The following MED28 variants were observed in gnomAD, a reference collection of about 807,000 sequenced individuals.
The protein encoded by MED28 is mediator of RNA polymerase II transcription subunit 28.
MED28 carries 26 observed loss-of-function variants against 21.3 expected under a neutral mutation model. That is an observed-to-expected ratio of 1.22 (90% CI 0.89 to 1.69). The LOEUF (loss-of-function observed/expected upper bound fraction) is 1.69, where lower values mean the gene tolerates loss of function less well. Among genes scored for constraint, MED28 ranks in the 40% most tolerant of loss-of-function variants. The probability of loss-of-function intolerance (pLI) is 0.00; values close to 1 mark genes in which losing one functional copy is unlikely to be tolerated. For synonymous variants in MED28, 110 were observed against 87.6 expected, an observed-to-expected ratio of 1.26 and a Z score of -1.43; for missense variants, 257 against 215.4, an observed-to-expected ratio of 1.19 and a Z score of -1.21.
At chr4:17,618,463 C>G (rs1220057749) in intron 1 of MED28, among the ~76,000 whole-genome samples, 3 of 152,030 alleles carry the variant, frequency 2.0e-5, no homozygotes, top group African/African-American at 7.2e-5. Context: ...TTTCCAGTAG[C>G]CATAGGTCTC....
At chr4:17,614,892 C>T (rs1714401849) in intron 1 of MED28, 79 bp downstream of exon 1, 1 of 1,466,808 alleles carries the variant, frequency 6.8e-7, no homozygotes, top group South Asian at 1.4e-5. Context: ...CGTATCTCCT[C>T]CAGGGATCCG....
rs1305257364 is a variant in MED28 at position 17,628,290 on chromosome 4, G to GTGTA, written c.*4493_*4494insGTAT. ...TGTGTGTGTGTGTGTGTGTGTGTGT[G>GTGTA]TATGTGTATATGCGTATATATGTGT... On this transcript the variant is annotated 3_prime_UTR_variant, in exon 4 of 4. Transcript: ENST00000237380. 1 of 148,418 alleles carries GTGTA rather than the reference G, an allele frequency of 6.7e-6. No homozygotes were observed. Among genetic ancestry groups the GTGTA allele is most frequent in the Non-Finnish European group, 1.5e-5 (1 of 67,764 alleles). 9.2% of individuals were successfully genotyped at this position (148,418 alleles called of 1,614,324 possible). A position where few individuals can be genotyped will look rare whatever the true frequency, so the allele number is the denominator to read the frequency against.
rs1337931902 is a variant in MED28 at position 17,633,493 on chromosome 4, C to T, written c.*9695C>T. ...AGGAAGACTGTAATTTGAATTCAGACCTCCAGGCCAGATGGAGTCCACCTT... is the reference window on the plus strand; with the variant it reads ...AGGAAGACTGTAATTTGAATTCAGATCTCCAGGCCAGATGGAGTCCACCTT... On this transcript the variant is annotated 3_prime_UTR_variant, in exon 4 of 4. Transcript: ENST00000237380. The T allele has an allele frequency of 3.5e-5, 17 of 492,000 alleles. No individual in the cohort carries two copies. The South Asian group carries it at 4.0e-4, about 12-fold the overall frequency. 30.5% of individuals were successfully genotyped at this position (492,000 alleles called of 1,614,324 possible).
Position 17,631,729 on chromosome 4 carries a change from T to C in MED28, c.*7931T>C, listed in dbSNP as rs1438013350. On this transcript the variant is annotated 3_prime_UTR_variant, in exon 4 of 4. Transcript: ENST00000237380. ...GTGAAAGTATTCAGTCCAAGCATGC[T>C]ACCATCCATTTCTGGTAGGTTTGGT... 1 of 152,252 alleles carries C rather than the reference T, an allele frequency of 6.6e-6. No homozygotes were observed. Among genetic ancestry groups the C allele is most frequent in the East Asian group, 1.9e-4 (1 of 5,202 alleles). The allele number at this position is 152,252 out of a possible 1,614,324, so 9.4% of individuals were successfully genotyped here.
chr4:17,621,453 C>A, intron 2 of MED28, 134 bp from the exon 3 acceptor site: 1 of 567,926 alleles, frequency 1.8e-6, no homozygotes, highest in Non-Finnish European at 3.1e-6. Flanking sequence ...ATGATTACTG[C>A]TGTGGCCAAG....
At chr4:17,618,819 C>T (rs900257210) in intron 1 of MED28, among the ~76,000 whole-genome samples, 2 of 152,154 alleles carry the variant, frequency 1.3e-5, no homozygotes, top group African/African-American at 4.8e-5. Context: ...GGATTACAGG[C>T]GTGAGCCACC....
chr4:17,632,414 A>G lies in MED28; in HGVS notation c.*8616A>G, dbSNP rs1714979698. ...GTTAACGCCAAAATTTGTTTTAGCT[A>G]TCATATATAAATCATAAGCATATTA... On this transcript the variant is annotated 3_prime_UTR_variant, in exon 4 of 4. Coordinates refer to ENST00000237380, the MANE Select transcript of MED28 (RefSeq NM_025205.5). 1 of 856,256 alleles carries G rather than the reference A, an allele frequency of 1.2e-6. No homozygotes were observed. Among genetic ancestry groups the G allele is most frequent in the South Asian group, 1.8e-5 (1 of 56,752 alleles). 53.0% of individuals were successfully genotyped at this position (856,256 alleles called of 1,614,324 possible).
chr4:17,624,013 G>A lies in MED28; in HGVS notation c.*215G>A, dbSNP rs988575726. ...TCTGTAGCTTGGATAAACCAAGTAA[G>A]TATTTTTTTTTTGTCTTTAGCAAAG... On this transcript the variant is annotated 3_prime_UTR_variant, in exon 4 of 4. Coordinates refer to ENST00000237380, the MANE Select transcript of MED28 (RefSeq NM_025205.5). The A allele has an allele frequency of 3.6e-6, 2 of 557,338 alleles. No homozygotes were observed. Among genetic ancestry groups the A allele is most frequent in the Non-Finnish European group, 3.2e-6 (1 of 314,862 alleles). 34.5% of individuals were successfully genotyped at this position (557,338 alleles called of 1,614,324 possible). A position where few individuals can be genotyped will look rare whatever the true frequency, so the allele number is the denominator to read the frequency against.
chr4:17,615,982 A>G (rs1334810574), intron 1 of MED28, among the ~76,000 whole-genome samples: 2 of 152,084 alleles, frequency 1.3e-5, no homozygotes, highest in African/African-American at 4.8e-5. Flanking sequence ...ATGATTTGAG[A>G]TGGAGTCTCA....
In MED28 at chr4:17,623,985, A is replaced by T; in HGVS notation, c.*187A>T. ...GTTAATTTCTTGAGTACTTTATAAC[A>T]TGTCTGTAGCTTGGATAAACCAAGT... On this transcript the variant is annotated 3_prime_UTR_variant, in exon 4 of 4. Coordinates refer to ENST00000237380, the MANE Select transcript of MED28 (RefSeq NM_025205.5). 1 of 635,214 alleles carries T rather than the reference A, an allele frequency of 1.6e-6. No homozygotes were observed. The highest frequency in any genetic ancestry group is 2.7e-6 in the Non-Finnish European group (1 of 364,824). 39.3% of individuals were successfully genotyped at this position (635,214 alleles called of 1,614,324 possible). A position where few individuals can be genotyped will look rare whatever the true frequency, so the allele number is the denominator to read the frequency against.
rs1335298440 is a variant in MED28 at position 17,629,413 on chromosome 4, A to T, written c.*5615A>T. On this transcript the variant is annotated 3_prime_UTR_variant, in exon 4 of 4. Transcript: ENST00000237380. ...GAGAAAAATTAACCAAGTAGCCTCA[A>T]TCACAAATGTTGGGTTGGATATTAC... 6.6e-6 allele frequency: 1 copy of T among 152,222 alleles called. No individual in the cohort carries two copies. The highest frequency in any genetic ancestry group is 2.4e-5 in the African/African-American group (1 of 41,452). The allele number at this position is 152,222 out of a possible 1,614,324, so 9.4% of individuals were successfully genotyped here.
chr4:17,623,571 TCTGA>T (rs1464344936), intron 3 of MED28, 26 bp from the exon 4 acceptor site: 3 of 1,608,104 alleles, frequency 1.9e-6, no homozygotes, highest in South Asian at 2.2e-5. Flanking sequence ...CTGCATTTGC[TCTGA>T]CTTAGTCCAT....
At chr4:17,621,730 A>T in intron 3 of MED28, 31 bp downstream of exon 3, 2 of 1,400,890 alleles carry the variant, frequency 1.4e-6, no homozygotes, top group Non-Finnish European at 2.0e-6. Flanking sequence ...TCAGCTCTAT[A>T]GGAAGAACTA....
At chr4:17,616,189 T>G (rs926578080) in intron 1 of MED28, among the ~76,000 whole-genome samples, 5 of 152,122 alleles carry the variant, frequency 3.3e-5, no homozygotes, top group African/African-American at 7.2e-5. Flanking sequence ...ACTCCTGACC[T>G]CGTGATCCAC....
At chr4:17,614,848 T>A (rs1202533989) in intron 1 of MED28, 35 bp downstream of exon 1, 2 of 1,553,870 alleles carry the variant, frequency 1.3e-6, no homozygotes, top group East Asian at 4.5e-5. Context: ...GTCCCTAGCC[T>A]TCCCTTTTTT....
chr4:17,618,894 CTT>C (rs1714535664), intron 1 of MED28, among the ~76,000 whole-genome samples: 1 of 152,200 alleles, frequency 6.6e-6, no homozygotes, highest in Non-Finnish European at 1.5e-5. Context: ...TTCTGATTTA[CTT>C]TCTCTGTAAA....
At position 17,626,551 on chromosome 4, in the gene MED28, TA is replaced by T. The variant is rs1680737725; in HGVS notation, c.*2754del. 2.6e-5 allele frequency: 4 copies of T among 152,186 alleles called. No individual in the cohort carries two copies. Among genetic ancestry groups the T allele is most frequent in the South Asian group, 4.1e-4 (2 of 4,836 alleles). 9.4% of individuals were successfully genotyped at this position (152,186 alleles called of 1,614,324 possible). A position where few individuals can be genotyped will look rare whatever the true frequency, so the allele number is the denominator to read the frequency against. On this transcript the variant is annotated 3_prime_UTR_variant, in exon 4 of 4. Coordinates refer to ENST00000237380, the MANE Select transcript of MED28 (RefSeq NM_025205.5). ...TTGGGTGTGGTAGCTCTTTGAAAGG[TA>T]GAAAGTTCCACCAAGAAGGCCTTTT...
At chr4:17,618,267 C>T (rs1402527066) in intron 1 of MED28, among the ~76,000 whole-genome samples, 1 of 152,024 alleles carries the variant, frequency 6.6e-6, no homozygotes, top group African/African-American at 2.4e-5. Context: ...TCTTGGCCTC[C>T]AAAATTGTTG....
rs1197088998 is a variant in MED28, at chr4:17,633,250, G to A, written c.*9452G>A. ...TTAAGAGACTTTAGAATTCCAAGGTGATAGAGTAAATCTTGAGGAATAATG... is the reference window on the plus strand; with the variant it reads ...TTAAGAGACTTTAGAATTCCAAGGTAATAGAGTAAATCTTGAGGAATAATG... On this transcript the variant is annotated 3_prime_UTR_variant, in exon 4 of 4. Coordinates refer to ENST00000237380, the MANE Select transcript of MED28 (RefSeq NM_025205.5). 6.5e-6 allele frequency: 1 copy of A among 154,888 alleles called. No homozygotes were observed. The highest frequency in any genetic ancestry group is 6.4e-5 in the Admixed American group (1 of 15,612). 9.6% of individuals were successfully genotyped at this position (154,888 alleles called of 1,614,324 possible). A position where few individuals can be genotyped will look rare whatever the true frequency, so the allele number is the denominator to read the frequency against.
Sources: gnomAD v4.1 joint callset for allele counts (sites outside exome capture counted in the v4.1 genomes callset) on GRCh38, gnomAD v4.1.1 for gene constraint, MANE v1.5 for transcripts, NCBI Gene and HGNC (gene_info 2026-07-23, HGNC 2026-07-21) for gene names.